PKIG: variants seen among roughly 807,000 people sequenced by gnomAD.
PKIG encodes cAMP-dependent protein kinase inhibitor gamma.
PKIG carries 1 observed loss-of-function variant against 6.8 expected under a neutral mutation model. The observed-to-expected ratio is 0.15, with a 90% CI of 0.05 to 0.69. The LOEUF (loss-of-function observed/expected upper bound fraction) is 0.69, where lower values mean the gene tolerates loss of function less well. Among genes scored for constraint, PKIG ranks in the 30% least tolerant of loss-of-function variants. The pLI is 0.82. For missense variants in PKIG, 77 were observed against 104.0 expected (o/e 0.74, Z 1.13); for synonymous variants, 39 against 43.0 (o/e 0.91, Z 0.36).
chr20:44,599,067 G>A (rs1335532163), intron 2 of PKIG, among the ~76,000 whole-genome samples: 1 of 152,094 alleles, frequency 6.6e-6, no homozygotes, highest in African/African-American at 2.4e-5. Flanking sequence ...CTTAAGCATG[G>A]GTAAAATGCA....
At position 44,558,664 on chromosome 20, in the gene PKIG, CCTCT is replaced by C. The variant is rs1263580906; in HGVS notation, c.-240-23914_-240-23911del. On this transcript the variant is annotated intron_variant, in intron 1 of 4. Transcript: ENST00000372887. ...TTTTTTTCTTTCTCCTTCCTTCCTT[CCTCT>C]CTCTCTTTCTTTCTTTCTCTTTTTC... Among the ~76,000 whole-genome samples, 271 of 139,864 alleles carry C rather than the reference CCTCT, an allele frequency of 1.9e-3. 2 individuals carry two copies. The highest frequency in any genetic ancestry group is 6.5e-3 in the African/African-American group (238 of 36,782). The allele number at this position is 139,864 out of a possible 152,430, so 91.8% of individuals were successfully genotyped here. A position where few individuals can be genotyped will look rare whatever the true frequency, so the allele number is the denominator to read the frequency against.
At chr20:44,577,625 A>T (rs2064910399), upstream of PKIG, among the ~76,000 whole-genome samples, 1 of 152,148 alleles carries the variant, frequency 6.6e-6, no homozygotes, top group Non-Finnish European at 1.5e-5. Flanking sequence ...CAATCAATAT[A>T]CTTCTCAATT....
intron 2 of PKIG, among the ~76,000 whole-genome samples, chr20:44,600,404 T>C (rs1296359484): frequency 6.6e-6 from 1 of 152,032 alleles, no homozygotes; most frequent in Non-Finnish European, 1.5e-5. Flanking sequence ...GCCTGCCATA[T>C]AAAAAATAGA....
At chr20:44,557,282 G>A (rs1211402848) in intron 1 of PKIG, among the ~76,000 whole-genome samples, 2 of 152,054 alleles carry the variant, frequency 1.3e-5, no homozygotes. Context: ...CCAGCACTTC[G>A]GGAGGCAAAG....
intron 2 of PKIG, among the ~76,000 whole-genome samples, chr20:44,599,870 T>C (rs1197195461): frequency 6.6e-6 from 1 of 152,164 alleles, no homozygotes; most frequent in African/African-American, 2.4e-5. Context: ...TGTGCCACTG[T>C]AGGGACAGCA....
At chr20:44,577,835 T>C (rs531242406), upstream of PKIG, among the ~76,000 whole-genome samples, 26 of 152,332 alleles carry the variant, frequency 1.7e-4, 1 homozygote, top group African/African-American at 6.3e-4. Context: ...CGTCAGTTGC[T>C]AGCTGATATA....
At chr20:44,580,185 A>G (rs2064935397), upstream of PKIG, among the ~76,000 whole-genome samples, 1 of 152,280 alleles carries the variant, frequency 6.6e-6, no homozygotes, top group Non-Finnish European at 1.5e-5. Context: ...CCACACAAGA[A>G]CCTTGGAGAG....
chr20:44,532,435 C>G (rs1157364164), intron 1 of PKIG, among the ~76,000 whole-genome samples: 1 of 152,110 alleles, frequency 6.6e-6, no homozygotes. Context: ...GAGGTAAGCC[C>G]TCAATACATG....
At chr20:44,551,373 G>C (rs898042967) in intron 1 of PKIG, among the ~76,000 whole-genome samples, 2 of 152,066 alleles carry the variant, frequency 1.3e-5, no homozygotes, top group Non-Finnish European at 2.9e-5. Flanking sequence ...CCTTTTACTT[G>C]GTAAATGCAT....
At chr20:44,573,338 A>T (rs1377299632) in intron 1 of PKIG, among the ~76,000 whole-genome samples, 2 of 152,184 alleles carry the variant, frequency 1.3e-5, no homozygotes, top group African/African-American at 4.8e-5. Context: ...AGTGACTCTT[A>T]TGTCAAATGC....
At chr20:44,558,710 T>C (rs1000403430) in intron 1 of PKIG, among the ~76,000 whole-genome samples, 4 of 151,174 alleles carry the variant, frequency 2.6e-5, no homozygotes, top group Non-Finnish European at 5.9e-5. Flanking sequence ...TTCTCTTTCT[T>C]TCTTCCCTTC....
chr20:44,537,840 C>A (rs2064526900), intron 1 of PKIG, among the ~76,000 whole-genome samples: 1 of 151,796 alleles, frequency 6.6e-6, no homozygotes. Context: ...CCCATCTTGG[C>A]CTCCCAAAGT....
rs547801265 is a variant in PKIG, at chr20:44,614,976, C to T, written c.151+269C>T. Among the ~76,000 whole-genome samples, 28 of 152,302 alleles carry T rather than the reference C, an allele frequency of 1.8e-4. No homozygotes were observed. The highest frequency in any genetic ancestry group is 6.7e-4 in the African/African-American group (28 of 41,556). ...CAGGTCCCTCCACTTCTCGCTATCC[C>T]CACAGCTATACCTGGCTCTGGCCAC... On this transcript the variant is annotated intron_variant, in intron 3 of 3. Transcript: ENST00000372886. The surrounding 1 kb of genome is among the most constrained non-coding windows in gnomAD (Gnocchi z 4.6).
In PKIG at chr20:44,618,809, A is replaced by G. The variant is rs1332456673; in HGVS notation, c.*445A>G. The G allele has an allele frequency of 6.3e-6, 1 of 159,070 alleles. No individual in the cohort carries two copies. Among genetic ancestry groups the G allele is most frequent in the Admixed American group, 5.9e-5 (1 of 16,956 alleles). 9.9% of individuals were successfully genotyped at this position (159,070 alleles called of 1,614,324 possible). On this transcript the variant is annotated 3_prime_UTR_variant, in exon 4 of 4. Transcript: ENST00000372886. The stretch of plus-strand genomic sequence containing the variant: ...GAAAACACTTTTAAACTTTTTAAAA[A>G]TTTTAAACCTTTTTTCAGCAGATAT...
chr20:44,569,393 A>G (rs1307858410), intron 1 of PKIG, among the ~76,000 whole-genome samples: 1 of 152,184 alleles, frequency 6.6e-6, no homozygotes, highest in African/African-American at 2.4e-5. Flanking sequence ...AAAAATTATA[A>G]AACTAATACA....
intron 2 of PKIG, among the ~76,000 whole-genome samples, chr20:44,595,323 C>A (rs2065066291): frequency 6.6e-6 from 1 of 152,212 alleles, no homozygotes; most frequent in Admixed American, 6.5e-5. Flanking sequence ...CTAGAGAGAA[C>A]CCAAAGTGTT....
upstream of PKIG, among the ~76,000 whole-genome samples, chr20:44,579,476 C>A (rs573288155): frequency 1.3e-5 from 2 of 152,322 alleles, no homozygotes; most frequent in East Asian, 3.9e-4. Context: ...CAGGCTCTGC[C>A]CCTTGCTCCC....
intron 1 of PKIG, among the ~76,000 whole-genome samples, chr20:44,545,895 T>C (rs1172829542): frequency 6.6e-6 from 1 of 152,038 alleles, no homozygotes; most frequent in Non-Finnish European, 1.5e-5. Flanking sequence ...CTGAAAATCA[T>C]AGATGTACAT....
chr20:44,566,634 C>G (rs1174439755), intron 1 of PKIG, among the ~76,000 whole-genome samples: 2 of 152,104 alleles, frequency 1.3e-5, no homozygotes, highest in East Asian at 3.8e-4. Flanking sequence ...TCACTTAAGG[C>G]CAGGGGTTCG....
Sources: allele counts gnomAD v4.1 joint callset (sites outside exome capture counted in the v4.1 genomes callset), GRCh38; gene constraint gnomAD v4.1.1; non-coding constraint Gnocchi (gnomAD v3.1); transcripts MANE v1.5; gene names NCBI Gene and HGNC (gene_info 2026-07-23, HGNC 2026-07-21).